The following FOXQ1 variants were observed in gnomAD, a reference collection of about 807,000 sequenced individuals.
FOXQ1 encodes the protein forkhead box Q1.
FOXQ1 carries 1 observed loss-of-function variant against 0.6 expected under a neutral mutation model. That is an observed-to-expected ratio of 1.73 (90% confidence interval 0.61 to 8.20). FOXQ1 has a LOEUF of 8.20. Among genes scored for constraint, FOXQ1 ranks in the 30% most tolerant of loss-of-function variants. FOXQ1 has a pLI of 0.13. For synonymous variants in FOXQ1, 377 were observed against 294.4 expected, an observed-to-expected ratio of 1.28 and a Z score of -2.87; for missense variants, 734 against 595.6, an observed-to-expected ratio of 1.23 and a Z score of -2.42.
rs1369719696 is a variant in FOXQ1 at position 1,313,929 on chromosome 6, G to C, written c.*13G>C. The C allele has an allele frequency of 3.3e-6, 4 of 1,227,170 alleles. No homozygotes were observed. The highest frequency in any genetic ancestry group is 4.1e-6 in the Non-Finnish European group (4 of 984,188). The allele number at this position is 1,227,170 out of a possible 1,614,324, so 76.0% of individuals were successfully genotyped here. A position where few individuals can be genotyped will look rare whatever the true frequency, so the allele number is the denominator to read the frequency against. On this transcript the variant is annotated 3_prime_UTR_variant, in exon 1 of 1. Coordinates refer to ENST00000296839, the MANE Select transcript of FOXQ1 (RefSeq NM_033260.4). The surrounding 1 kb of genome is among the most constrained non-coding windows in gnomAD (Gnocchi z 5.2). ...GCTCCTAGCCTGAGTAGCGCCGCGGGGCCCGGGAACGCCGAGTGCGCGCCG... is the reference window on the plus strand; with the variant it reads ...GCTCCTAGCCTGAGTAGCGCCGCGGCGCCCGGGAACGCCGAGTGCGCGCCG...
At position 1,313,767 on chromosome 6, in the gene FOXQ1, G is replaced by A. The variant is rs1414668673; in HGVS notation, c.1063G>A (p.Ala355Thr). ...APPLLLAPLP[A>T]AAPAKPLRGP... ...GCCCCTCCTGCTTGCACCTCTCCCG[G>A]CGGCGGCCCCCGCCAAGCCACTCCG... Residue 355 changes from alanine (A) to threonine (T), a missense_variant, in exon 1 of 1, where the codon GCG (alanine) becomes ACG (threonine). By Grantham distance (58) the Ala-to-Thr change is moderately conservative (BLOSUM62 0). Transcript: ENST00000296839. This position sits in a 1 kb window ranked among gnomAD's most constrained non-coding sequence, Gnocchi z 5.2. The A allele has an allele frequency of 3.0e-5, 37 of 1,232,738 alleles. No individual in the cohort carries two copies. The highest frequency in any genetic ancestry group is 3.7e-5 in the Non-Finnish European group (37 of 990,176). 76.4% of individuals were successfully genotyped at this position (1,232,738 alleles called of 1,614,324 possible).
Position 1,313,751 on chromosome 6 carries a change from G to A in FOXQ1, c.1047G>A (p.Leu349=). The A allele has an allele frequency of 8.2e-7, 1 of 1,212,804 alleles. No individual in the cohort carries two copies. Among genetic ancestry groups the A allele is most frequent in the Admixed American group, 4.5e-5 (1 of 22,422 alleles). The allele number at this position is 1,212,804 out of a possible 1,614,324, so 75.1% of individuals were successfully genotyped here. A position where few individuals can be genotyped will look rare whatever the true frequency, so the allele number is the denominator to read the frequency against. Residue 349 remains leucine, a synonymous_variant, in exon 1 of 1, where the codon CTG becomes CTA. Transcript: ENST00000296839. This position sits in a 1 kb window ranked among gnomAD's most constrained non-coding sequence, Gnocchi z 5.2. ...AEVPPTAPPL[L]LAPLPAAAPA... The stretch of plus-strand genomic sequence containing the variant: ...TGCCACCGACCGCGCCGCCCCTCCT[G>A]CTTGCACCTCTCCCGGCGGCGGCCC...
At position 1,313,311 on chromosome 6, in the gene FOXQ1, A is replaced by T. The variant is rs1166459739; in HGVS notation, c.607A>T (p.Thr203Ser). The change falls in exon 1 of 1, where the codon ACC becomes TCC. Residue 203 changes from threonine (T) to serine (S), a missense_variant. Physicochemically the swap from Thr to Ser is moderately conservative, Grantham distance 58 (BLOSUM62 1). Coordinates refer to ENST00000296839, the MANE Select transcript of FOXQ1 (RefSeq NM_033260.4). This position sits in a 1 kb window ranked among gnomAD's most constrained non-coding sequence, Gnocchi z 5.2. ...GATGCTCAACCCCAACAGCGAGTAC[A>T]CCTTCGCCGACGGGGTCTTCCGCCG... ...YWMLNPNSEYTFADGVFRRRR... is the reference protein window; with the variant it reads ...YWMLNPNSEYSFADGVFRRRR... The T allele has an allele frequency of 6.3e-7, 1 of 1,581,972 alleles. No individual in the cohort carries two copies.
Position 1,313,847 on chromosome 6 carries a change from C to T in FOXQ1, c.1143C>T (p.Ala381=), listed in dbSNP as rs1757595946. The T allele has an allele frequency of 7.7e-7, 1 of 1,305,684 alleles. No homozygotes were observed. The highest frequency in any genetic ancestry group is 3.1e-5 in the East Asian group (1 of 31,970). The allele number at this position is 1,305,684 out of a possible 1,614,324, so 80.9% of individuals were successfully genotyped here. The change falls in exon 1 of 1, where the codon GCC becomes GCT. Residue 381 remains alanine, a synonymous_variant. Transcript: ENST00000296839. The surrounding 1 kb of genome is among the most constrained non-coding windows in gnomAD (Gnocchi z 5.2). Reference sequence around the variant, plus strand: ...ACTGCCCCCTGCGGCTGCCCGCAGCCCTGCAGGCGGCCTCAGTCCGCCGCC... The same window carrying T: ...ACTGCCCCCTGCGGCTGCCCGCAGCTCTGCAGGCGGCCTCAGTCCGCCGCC... ...HLYCPLRLPA[A]LQAASVRRPG...
chr6:1,313,994 A>C lies in FOXQ1; in HGVS notation c.*78A>C. Reference sequence around the variant, plus strand: ...ACGCGGGCCCGCGCGCGGACTTTGCACTTTGAATCCAGAGGAAGATGAATT... The same window carrying C: ...ACGCGGGCCCGCGCGCGGACTTTGCCCTTTGAATCCAGAGGAAGATGAATT... On this transcript the variant is annotated 3_prime_UTR_variant, in exon 1 of 1. Transcript: ENST00000296839. This position sits in a 1 kb window ranked among gnomAD's most constrained non-coding sequence, Gnocchi z 5.2. 8.3e-7 allele frequency: 1 copy of C among 1,208,574 alleles called. No homozygotes were observed. The highest frequency in any genetic ancestry group is 1.0e-6 in the Non-Finnish European group (1 of 970,076). 74.9% of individuals were successfully genotyped at this position (1,208,574 alleles called of 1,614,324 possible). A position where few individuals can be genotyped will look rare whatever the true frequency, so the allele number is the denominator to read the frequency against.
chr6:1,312,513 C>A lies in FOXQ1; in HGVS notation c.-192C>A. The A allele has an allele frequency of 1.1e-6, 1 of 872,674 alleles. No individual in the cohort carries two copies. Among genetic ancestry groups the A allele is most frequent in the South Asian group, 5.3e-5 (1 of 19,036 alleles). The allele number at this position is 872,674 out of a possible 1,614,324, so 54.1% of individuals were successfully genotyped here. A position where few individuals can be genotyped will look rare whatever the true frequency, so the allele number is the denominator to read the frequency against. On this transcript the variant is annotated 5_prime_UTR_variant, in exon 1 of 1. Coordinates refer to ENST00000296839, the MANE Select transcript of FOXQ1 (RefSeq NM_033260.4). ...CCCATAGTCCACCCAACACTTGCAG[C>A]CCCTCCAGAGAAAAAGCCCAGCGGA...
Position 1,313,081 on chromosome 6 carries a change from C to T in FOXQ1, c.377C>T (p.Ala126Val), listed in dbSNP as rs1384224237. ...CCCAAGCCCCCCTACTCGTACATCG[C>T]GCTCATCGCCATGGCCATCCGCGAC... ...RRPKPPYSYI[A>V]LIAMAIRDSA... Residue 126 changes from alanine (A) to valine (V), a missense_variant, in exon 1 of 1, where the codon GCG becomes GTG. Ala to Val is a moderately conservative substitution (Grantham distance 64). Transcript: ENST00000296839. The surrounding 1 kb of genome is among the most constrained non-coding windows in gnomAD (Gnocchi z 5.2). 1.2e-6 allele frequency: 2 copies of T among 1,605,592 alleles called. No homozygotes were observed. The highest frequency in any genetic ancestry group is 1.7e-6 in the Non-Finnish European group (2 of 1,176,342).
chr6:1,313,062 C>G lies in FOXQ1; in HGVS notation c.358C>G (p.Pro120Ala). The change falls in exon 1 of 1, where the codon CCC becomes GCC. Residue 120 changes from proline to alanine, a missense_variant. Pro to Ala is a conservative substitution (Grantham distance 27). Coordinates refer to ENST00000296839, the MANE Select transcript of FOXQ1 (RefSeq NM_033260.4). This position sits in a 1 kb window ranked among gnomAD's most constrained non-coding sequence, Gnocchi z 5.2. ...RSKPYTRRPK[P>A]PYSYIALIAM... ...CAAGCCATATACGCGGCGGCCCAAGCCCCCCTACTCGTACATCGCGCTCAT... is the reference window on the plus strand; with the variant it reads ...CAAGCCATATACGCGGCGGCCCAAGGCCCCCTACTCGTACATCGCGCTCAT... 2.5e-6 allele frequency: 4 copies of G among 1,599,312 alleles called. No homozygotes were observed. Among genetic ancestry groups the G allele is most frequent in the South Asian group, 1.1e-5 (1 of 90,136 alleles).
At position 1,313,209 on chromosome 6, in the gene FOXQ1, C is replaced by A; in HGVS notation, c.505C>A (p.His169Asn). 1 of 1,609,912 alleles carries A rather than the reference C, an allele frequency of 6.2e-7. No homozygotes were observed. Among genetic ancestry groups the A allele is most frequent in the Non-Finnish European group, 8.5e-7 (1 of 1,178,550 alleles). The change falls in exon 1 of 1, where the codon CAC becomes AAC. Residue 169 changes from histidine to asparagine, a missense_variant. Physicochemically the swap from His to Asn is moderately conservative, Grantham distance 68. Transcript: ENST00000296839. This position sits in a 1 kb window ranked among gnomAD's most constrained non-coding sequence, Gnocchi z 5.2. ...CACGGGCTGGCGCAACTCCGTGCGC[C>A]ACAACCTTTCGCTCAACGACTGCTT... ...SYTGWRNSVR[H>N]NLSLNDCFVK... is the part of the protein sequence containing the mutation.
rs573671916 is a variant in FOXQ1, at chr6:1,312,893, C to T, written c.189C>T (p.Asp63=). The change falls in exon 1 of 1, where the codon GAC becomes GAT. Residue 63 remains aspartate (D), a synonymous_variant. Transcript: ENST00000296839. ...AGGGARDTQG[D]GEQSAGGGPG... ...GCGGCGCCAGAGATACGCAGGGCGA[C>T]GGCGAACAGAGTGCGGGAGGCGGGC... The T allele has an allele frequency of 2.3e-6, 3 of 1,280,642 alleles. No homozygotes were observed. Among genetic ancestry groups the T allele is most frequent in the Non-Finnish European group, 9.8e-7 (1 of 1,016,586 alleles). 79.3% of individuals were successfully genotyped at this position (1,280,642 alleles called of 1,614,324 possible).
Position 1,313,007 on chromosome 6 carries a change from C to T in FOXQ1, c.303C>T (p.Gly101=). The T allele has an allele frequency of 7.2e-7, 1 of 1,379,868 alleles. No individual in the cohort carries two copies. The allele number at this position is 1,379,868 out of a possible 1,614,324, so 85.5% of individuals were successfully genotyped here. The change falls in exon 1 of 1, where the codon GGC becomes GGT. Residue 101 remains glycine (G), a synonymous_variant. Transcript: ENST00000296839. The surrounding 1 kb of genome is among the most constrained non-coding windows in gnomAD (Gnocchi z 5.2). ...CCGGGGCGGCGGGGCCAGGCGCGGG[C>T]GGCGCGGGGAGCGGCGAGGGTGCAC... is the stretch of plus-strand genomic sequence containing the variant. ...AEAGAAGPGA[G]GAGSGEGARS... is the part of the protein sequence containing the mutation.
At position 1,313,773 on chromosome 6, in the gene FOXQ1, G is replaced by C; in HGVS notation, c.1069G>C (p.Ala357Pro). The C allele has an allele frequency of 8.1e-7, 1 of 1,239,802 alleles. No homozygotes were observed. The highest frequency in any genetic ancestry group is 3.2e-5 in the South Asian group (1 of 30,974). 76.8% of individuals were successfully genotyped at this position (1,239,802 alleles called of 1,614,324 possible). ...PLLLAPLPAA[A>P]PAKPLRGPAA... ...CCTGCTTGCACCTCTCCCGGCGGCG[G>C]CCCCCGCCAAGCCACTCCGAGGCCC... Residue 357 changes from alanine to proline, a missense_variant, in exon 1 of 1, where the codon GCC becomes CCC. Physicochemically the swap from Ala to Pro is conservative, Grantham distance 27 (BLOSUM62 -1). Coordinates refer to ENST00000296839, the MANE Select transcript of FOXQ1 (RefSeq NM_033260.4). This position sits in a 1 kb window ranked among gnomAD's most constrained non-coding sequence, Gnocchi z 5.2.
rs1757598691 is a variant in FOXQ1, at chr6:1,313,914, T to TG, written c.1211dup (p.Ter404TrpfsTer45). The stretch of plus-strand genomic sequence containing the variant: ...GTACCCGGTGGAGACGCTCCTAGCC[T>TG]GAGTAGCGCCGCGGGGCCCGGGAAC... On this transcript the variant is annotated frameshift_variant and stop_lost, in exon 1 of 1. Coordinates refer to ENST00000296839, the MANE Select transcript of FOXQ1 (RefSeq NM_033260.4). LOFTEE classifies it high-confidence loss of function. The surrounding 1 kb of genome is among the most constrained non-coding windows in gnomAD (Gnocchi z 5.2). 8.1e-7 allele frequency: 1 copy of TG among 1,237,152 alleles called. No homozygotes were observed. Among genetic ancestry groups the TG allele is most frequent in the Non-Finnish European group, 1.0e-6 (1 of 990,322 alleles). 76.6% of individuals were successfully genotyped at this position (1,237,152 alleles called of 1,614,324 possible). A position where few individuals can be genotyped will look rare whatever the true frequency, so the allele number is the denominator to read the frequency against.
In FOXQ1 at chr6:1,313,409, CCCCGCCGCCCCGCCGCCCGCG is replaced by C. The variant is rs1286914504; in HGVS notation, c.718_738del (p.Pro240_Pro246del). 8.0e-6 allele frequency: 8 copies of C among 1,004,572 alleles called. No homozygotes were observed. In the East Asian group the frequency reaches 4.2e-4, roughly 52 times the overall value. The allele number at this position is 1,004,572 out of a possible 1,614,324, so 62.2% of individuals were successfully genotyped here. A position where few individuals can be genotyped will look rare whatever the true frequency, so the allele number is the denominator to read the frequency against. On this transcript the variant is annotated inframe_deletion, in exon 1 of 1. Coordinates refer to ENST00000296839, the MANE Select transcript of FOXQ1 (RefSeq NM_033260.4). The surrounding 1 kb of genome is among the most constrained non-coding windows in gnomAD (Gnocchi z 5.2). ...TGCGGCCCGAGGAGGCCCCGGGCCT[CCCCGCCGCCCCGCCGCCCGCG>C]CCCGCCGCCCCGGCCTCGCCCCGCA... is the stretch of plus-strand genomic sequence containing the variant.
In FOXQ1 at chr6:1,313,910, A is replaced by T. The variant is rs1757598381; in HGVS notation, c.1206A>T (p.Leu402=). The T allele has an allele frequency of 2.4e-6, 3 of 1,249,898 alleles. No individual in the cohort carries two copies. In the Admixed American group the frequency reaches 1.3e-4, roughly 53 times the overall value. 77.4% of individuals were successfully genotyped at this position (1,249,898 alleles called of 1,614,324 possible). ...TGCCGTACCCGGTGGAGACGCTCCT[A>T]GCCTGAGTAGCGCCGCGGGGCCCGG... is the stretch of plus-strand genomic sequence containing the variant. The part of the protein sequence containing the change: ...PHLPYPVETL[L]A The change falls in exon 1 of 1, where the codon CTA becomes CTT. Residue 402 remains leucine (L), a synonymous_variant. Transcript: ENST00000296839. The surrounding 1 kb of genome is among the most constrained non-coding windows in gnomAD (Gnocchi z 5.2).
Position 1,313,696 on chromosome 6 carries a change from C to G in FOXQ1, c.992C>G (p.Pro331Arg), listed in dbSNP as rs1757591709. Residue 331 changes from proline (P) to arginine (R), a missense_variant, in exon 1 of 1, where the codon CCG becomes CGG. Transcript: ENST00000296839. The surrounding 1 kb of genome is among the most constrained non-coding windows in gnomAD (Gnocchi z 5.2). ...CTCTGCGCGTACGGCGCGGGCGAGCCGGCGCGGCTGGGCGCGCGCGAGGCC... is the reference window on the plus strand; with the variant it reads ...CTCTGCGCGTACGGCGCGGGCGAGCGGGCGCGGCTGGGCGCGCGCGAGGCC... ...LPLCAYGAGE[P>R]ARLGAREAEV... 4 of 1,046,984 alleles carry G rather than the reference C, an allele frequency of 3.8e-6. No homozygotes were observed. The highest frequency in any genetic ancestry group is 4.6e-6 in the Non-Finnish European group (4 of 872,286). The allele number at this position is 1,046,984 out of a possible 1,614,324, so 64.9% of individuals were successfully genotyped here.
chr6:1,313,297 C>T lies in FOXQ1; in HGVS notation c.593C>T (p.Pro198Leu). The T allele has an allele frequency of 1.2e-6, 2 of 1,602,700 alleles. No homozygotes were observed. Among genetic ancestry groups the T allele is most frequent in the Non-Finnish European group, 1.7e-6 (2 of 1,175,162 alleles). The change falls in exon 1 of 1, where the codon CCC becomes CTC. Residue 198 changes from proline (P) to leucine (L), a missense_variant. Transcript: ENST00000296839. This position sits in a 1 kb window ranked among gnomAD's most constrained non-coding sequence, Gnocchi z 5.2. The part of the protein sequence containing the change: ...WGKDNYWMLN[P>L]NSEYTFADGV... ...AAGGACAACTACTGGATGCTCAACC[C>T]CAACAGCGAGTACACCTTCGCCGAC...
Position 1,313,714 on chromosome 6 carries a change from GC to G in FOXQ1, c.1011del (p.Glu338ArgfsTer65). 1 of 1,089,542 alleles carries G rather than the reference GC, an allele frequency of 9.2e-7. No individual in the cohort carries two copies. Among genetic ancestry groups the G allele is most frequent in the Non-Finnish European group, 1.1e-6 (1 of 898,852 alleles). 67.5% of individuals were successfully genotyped at this position (1,089,542 alleles called of 1,614,324 possible). ...GAGEPARLGA[R>X]EAEVPPTAPP... is the part of the protein sequence containing the mutation. The stretch of plus-strand genomic sequence containing the variant: ...GGCGAGCCGGCGCGGCTGGGCGCGC[GC>G]GAGGCCGAGGTGCCACCGACCGCGC... On this transcript the variant is annotated frameshift_variant, in exon 1 of 1. Coordinates refer to ENST00000296839, the MANE Select transcript of FOXQ1 (RefSeq NM_033260.4). LOFTEE classifies it low-confidence loss of function (END_TRUNC). The surrounding 1 kb of genome is among the most constrained non-coding windows in gnomAD (Gnocchi z 5.2).
In FOXQ1 at chr6:1,312,207, G is replaced by A. The variant is rs1011899509; in HGVS notation, c.-498G>A. Among the ~76,000 whole-genome samples, 1 of 152,220 alleles carries A rather than the reference G, an allele frequency of 6.6e-6. No individual in the cohort carries two copies. Among genetic ancestry groups the A allele is most frequent in the African/African-American group, 2.4e-5 (1 of 41,462 alleles). On this transcript the variant is annotated 5_prime_UTR_variant, in exon 1 of 1. Coordinates refer to ENST00000296839, the MANE Select transcript of FOXQ1 (RefSeq NM_033260.4). ...GGACTCGCCTCCGCGGGTGCTCAAGGCTGAAGGCGCCGGACCTTCCCCCAC... is the reference window on the plus strand; with the variant it reads ...GGACTCGCCTCCGCGGGTGCTCAAGACTGAAGGCGCCGGACCTTCCCCCAC...
Sources: gnomAD v4.1 joint callset for allele counts (sites outside exome capture counted in the v4.1 genomes callset) on GRCh38, gnomAD v4.1.1 for gene constraint, Gnocchi (gnomAD v3.1) non-coding constraint, MANE v1.5 for transcripts, NCBI Gene and HGNC (gene_info 2026-07-23, HGNC 2026-07-21) for gene names.